ANK2: variants seen among roughly 807,000 people sequenced by gnomAD.
ANK2 encodes ankyrin-2.
A neutral mutation model predicts 360.5 loss-of-function variants in ANK2; 83 were observed. The observed-to-expected ratio is 0.23, with a 90% confidence interval of 0.19 to 0.28. The LOEUF is 0.28. Among genes scored for constraint, ANK2 ranks in the 10% least tolerant of loss-of-function variants. The probability of loss-of-function intolerance (pLI) is 1.00; values close to 1 mark genes in which losing one functional copy is unlikely to be tolerated. For synonymous variants in ANK2, 1,740 were observed against 1,759.5 expected, an observed-to-expected ratio of 0.99 and a Z score of 0.28; for missense variants, 4,201 against 4,795.7, an observed-to-expected ratio of 0.88 and a Z score of 3.66.
chr4:113,015,149 C>T (rs563396064), intron 2 of ANK2, among the ~76,000 whole-genome samples: 33 of 152,268 alleles, frequency 2.2e-4, no homozygotes, highest in African/African-American at 7.2e-4. Context: ...TGAGCCACCG[C>T]GCCCGGCCAG....
intron 2 of ANK2, among the ~76,000 whole-genome samples, chr4:112,949,131 T>C (rs2094760525): frequency 6.6e-6 from 1 of 152,156 alleles, no homozygotes; most frequent in Non-Finnish European, 1.5e-5. Context: ...GCTGTGCCTG[T>C]CAAGTGAAGA....
intron 1 of ANK2, chr4:112,826,827 A>C: frequency 7.9e-7 from 1 of 1,266,690 alleles, no homozygotes; most frequent in South Asian, 1.3e-5. Context: ...AAATAAAGTA[A>C]AAGAGAATGG....
At chr4:112,728,220 G>A in the ANK2 span, among the ~76,000 whole-genome samples, 1 of 146,072 alleles carries the variant, frequency 6.8e-6, no homozygotes, top group African/African-American at 2.5e-5. Flanking sequence ...TTGAACCCGG[G>A]AGGCAGAGAT....
chr4:112,960,442 A>T (rs2034190730), intron 2 of ANK2, among the ~76,000 whole-genome samples: 1 of 152,082 alleles, frequency 6.6e-6, no homozygotes, highest in South Asian at 2.1e-4. Flanking sequence ...CGCATATAAA[A>T]AGTTTCTATT....
chr4:112,832,603 C>T (rs2060052611), intron 1 of ANK2, among the ~76,000 whole-genome samples: 1 of 152,176 alleles, frequency 6.6e-6, no homozygotes, highest in South Asian at 2.1e-4. Flanking sequence ...GTAAATGCCT[C>T]ATCCTGATAT....
At chr4:112,976,198 A>AT (rs568340736) in intron 2 of ANK2, among the ~76,000 whole-genome samples, 2,822 of 144,374 alleles carry the variant, frequency 0.02, 41 homozygotes, top group African/African-American at 0.042. Flanking sequence ...TGGCTGTGGA[A>AT]TTTTTTTTTT....
At chr4:112,957,854 C>A (rs554275887) in intron 2 of ANK2, among the ~76,000 whole-genome samples, 8 of 149,470 alleles carry the variant, frequency 5.4e-5, no homozygotes, top group Non-Finnish European at 1.0e-4. Context: ...GGTTGCCAGG[C>A]AGAGGGTCTC....
intron 9 of ANK2, among the ~76,000 whole-genome samples, chr4:113,245,661 C>CATG (rs2042457223): frequency 1.3e-5 from 2 of 152,150 alleles, no homozygotes; most frequent in African/African-American, 4.8e-5. Context: ...GGGTCCCTCC[C>CATG]ATGACACATA....
chr4:113,188,384 A>G (rs570469675), intron 2 of ANK2, among the ~76,000 whole-genome samples: 29 of 152,266 alleles, frequency 1.9e-4, no homozygotes, highest in South Asian at 1.9e-3. Flanking sequence ...TGCTTTCTAG[A>G]TGGAAAGATC....
At chr4:112,826,572 C>T (rs1303806865) in intron 1 of ANK2, 6 of 1,432,074 alleles carry the variant, frequency 4.2e-6, no homozygotes, top group African/African-American at 2.9e-5. Flanking sequence ...CCTTTCACAA[C>T]CAGCTGGGAT....
At chr4:112,957,798 C>T (rs1462665044) in intron 2 of ANK2, among the ~76,000 whole-genome samples, 3 of 149,054 alleles carry the variant, frequency 2.0e-5, no homozygotes, top group African/African-American at 5.1e-5. Context: ...ACTTCTCAGA[C>T]GGGGCGGCTG....
chr4:113,243,620 A>G lies in ANK2; in HGVS notation c.891+1411A>G, dbSNP rs555937224. ...ATATGGTTTCTACTTTTTGCTTAGT[A>G]GGCATGCCTTTTTCCTTACCATACT... On this transcript the variant is annotated intron_variant, in intron 9 of 45. Transcript: ENST00000357077. Among the ~76,000 whole-genome samples, 14 of 152,288 alleles carry G rather than the reference A, an allele frequency of 9.2e-5. No homozygotes were observed. The South Asian group carries it at 2.9e-3, about 32-fold the overall frequency.
At chr4:113,002,965 C>G (rs546532987) in intron 2 of ANK2, among the ~76,000 whole-genome samples, 1 of 152,230 alleles carries the variant, frequency 6.6e-6, no homozygotes, top group African/African-American at 2.4e-5. Flanking sequence ...TTGGGAGACA[C>G]TTATTCATCC....
chr4:113,048,421 A>G (rs112098648), upstream of ANK2, among the ~76,000 whole-genome samples: 3 of 123,796 alleles, frequency 2.4e-5, no homozygotes, highest in East Asian at 2.3e-4. Context: ...GCCTCCCCAC[A>G]CCTGGCTAAT....
intron 1 of ANK2, chr4:113,117,499 C>G (rs59931914): frequency 6.9e-6 from 3 of 436,578 alleles, no homozygotes; most frequent in Admixed American, 2.5e-5. Context: ...ACTTCATCCT[C>G]CCTTCCTTCC....
At chr4:113,313,086 G>C (rs1249078500) in intron 24 of ANK2, among the ~76,000 whole-genome samples, 1 of 152,122 alleles carries the variant, frequency 6.6e-6, no homozygotes, top group Non-Finnish European at 1.5e-5. Flanking sequence ...TGAGTCCTTG[G>C]CTTCAATAAC....
chr4:113,029,836 T>C (rs1192124489), intron 2 of ANK2, among the ~76,000 whole-genome samples: 1 of 152,114 alleles, frequency 6.6e-6, no homozygotes, highest in Non-Finnish European at 1.5e-5. Context: ...GTTATGGAGA[T>C]GTCTATTGAC....
At position 113,232,627 on chromosome 4, in the gene ANK2, A is replaced by AT. The variant is rs202155523; in HGVS notation, c.483+376dup. Among the ~76,000 whole-genome samples the AT allele has an allele frequency of 1.2e-3, 185 of 152,000 alleles. 2 individuals carry two copies. In the East Asian group the frequency reaches 0.032, roughly 26 times the overall value. ...TCCAATATAATTCCTTAAAGGAACA[A>AT]TTTTTTTTACCATCAGAAATAATTC... On this transcript the variant is annotated intron_variant, in intron 5 of 45. Coordinates refer to ENST00000357077, the MANE Select transcript of ANK2 (RefSeq NM_001148.6).
rs1180623894 is a variant in ANK2, at chr4:112,950,858, G to A, written c.21+46344G>A. On this transcript the variant is annotated intron_variant, in intron 2 of 30. Coordinates refer to the ANK2 transcript ENST00000503271. ...AGCACTTTGGGAGGCCGAAGCGGGC[G>A]GATCACGAGGTCAGGAGATCGAGAC... Among the ~76,000 whole-genome samples, 7 of 150,702 alleles carry A rather than the reference G, an allele frequency of 4.6e-5. No individual in the cohort carries two copies. The East Asian group carries it at 7.9e-4, about 17-fold the overall frequency.
Sources: allele counts gnomAD v4.1 joint callset (sites outside exome capture counted in the v4.1 genomes callset), GRCh38; gene constraint gnomAD v4.1.1; transcripts MANE v1.5; gene names NCBI Gene and HGNC (gene_info 2026-07-23, HGNC 2026-07-21).